DPP10: variants seen among roughly 807,000 people sequenced by gnomAD.
DPP10 encodes the protein inactive dipeptidyl peptidase 10.
DPP10 carries 33 observed loss-of-function variants against 120.9 expected under a neutral mutation model. The observed-to-expected ratio is 0.27, with a 90% CI of 0.21 to 0.37. The LOEUF is 0.37. DPP10 is among the 10% of genes least tolerant of loss of function. DPP10 has a pLI of 1.00. For missense variants in DPP10, 816 were observed against 942.8 expected (o/e 0.87, Z 1.76); for synonymous variants, 337 against 326.1 (o/e 1.03, Z -0.36).
Position 115,018,005 on chromosome 2 carries a change from T to TA in DPP10, c.61-291223dup, listed in dbSNP as rs570028712. On this transcript the variant is annotated intron_variant, in intron 1 of 25. Coordinates refer to ENST00000410059, the MANE Select transcript of DPP10 (RefSeq NM_020868.6). ...TACGCTAGAACTTAAAGTATAATAA[T>TA]AAAAAAAAAAAGAGAAAAACAACCC... Among the ~76,000 whole-genome samples, 418 of 133,226 alleles carry TA rather than the reference T, an allele frequency of 3.1e-3. 2 individuals are homozygous for TA. Among genetic ancestry groups the TA allele is most frequent in the African/African-American group, 9.1e-3 (325 of 35,834 alleles). 87.4% of individuals were successfully genotyped at this position (133,226 alleles called of 152,430 possible).
At chr2:115,752,412 AC>A (rs1485791086) in intron 10 of DPP10, among the ~76,000 whole-genome samples, 6 of 152,190 alleles carry the variant, frequency 3.9e-5, no homozygotes, top group Admixed American at 3.9e-4. Flanking sequence ...CTTTCCAATC[AC>A]CAGTTACCAT....
intron 1 of DPP10, among the ~76,000 whole-genome samples, chr2:115,106,170 A>G (rs1309961838): frequency 2.0e-5 from 3 of 152,212 alleles, no homozygotes. Context: ...CTTCTTGTCA[A>G]TGCCATGTCT....
intron 1 of DPP10, among the ~76,000 whole-genome samples, chr2:114,970,494 G>T (rs899254715): frequency 2.0e-5 from 3 of 152,044 alleles, no homozygotes; most frequent in African/African-American, 7.2e-5. Context: ...CCACATTGAG[G>T]AGAAATAGGG....
intron 1 of DPP10, among the ~76,000 whole-genome samples, chr2:115,063,746 C>T (rs1348262893): frequency 2.0e-5 from 3 of 152,162 alleles, no homozygotes; most frequent in African/African-American, 7.2e-5. Context: ...CTCTTCCTTA[C>T]ACCTTATACA....
rs115305614 is a variant in DPP10, at chr2:114,604,493, T to C, written c.60+161655T>C. ...TGACCCATCTGCGTGTACAGATACC[T>C]TTAGGCAATGAACAATCTACCAAAC... On this transcript the variant is annotated intron_variant, in intron 1 of 25. Transcript: ENST00000410059. 4.8e-3 allele frequency among the ~76,000 whole-genome samples: 737 copies of C among 152,166 alleles called. 8 individuals are homozygous for C. Among genetic ancestry groups the C allele is most frequent in the African/African-American group, 0.016 (684 of 41,518 alleles).
intron 5 of DPP10, among the ~76,000 whole-genome samples, chr2:115,602,442 T>G (rs1198813291): frequency 6.6e-6 from 1 of 152,244 alleles, no homozygotes; most frequent in East Asian, 1.9e-4. Context: ...ATTTTCTATT[T>G]ATCGTTACTT....
At chr2:115,420,277 T>C (rs2069819291) in intron 3 of DPP10, among the ~76,000 whole-genome samples, 1 of 152,110 alleles carries the variant, frequency 6.6e-6, no homozygotes. Context: ...ACAAATGGAG[T>C]AGACACAAGG....
At chr2:115,711,733 A>C (rs1575581662) in intron 7 of DPP10, among the ~76,000 whole-genome samples, 1 of 152,284 alleles carries the variant, frequency 6.6e-6, no homozygotes, top group South Asian at 2.1e-4. Context: ...TTACTGCTAG[A>C]CTTTGCTGAC....
chr2:114,791,304 T>C (rs566928712), intron 1 of DPP10, among the ~76,000 whole-genome samples: 3 of 152,310 alleles, frequency 2.0e-5, no homozygotes, highest in Admixed American at 2.0e-4. Context: ...AGGTCAACTT[T>C]CATCTGCTTT....
At chr2:114,688,876 T>C (rs979369945) in intron 1 of DPP10, among the ~76,000 whole-genome samples, 1 of 151,762 alleles carries the variant, frequency 6.6e-6, no homozygotes, top group Non-Finnish European at 1.5e-5. Context: ...ATATTTTTCA[T>C]TGATATTTTT....
intron 1 of DPP10, among the ~76,000 whole-genome samples, chr2:115,238,095 C>G (rs934975157): frequency 6.6e-6 from 1 of 152,146 alleles, no homozygotes; most frequent in African/African-American, 2.4e-5. Context: ...CAGAGAGAAG[C>G]TGATGCCTCT....
At chr2:114,606,795 C>T (rs1409131084) in intron 1 of DPP10, among the ~76,000 whole-genome samples, 1 of 152,138 alleles carries the variant, frequency 6.6e-6, no homozygotes, top group African/African-American at 2.4e-5. Flanking sequence ...GTATTTAAAC[C>T]TGGACTCTCT....
chr2:115,622,011 T>C (rs2084986512), intron 5 of DPP10, among the ~76,000 whole-genome samples: 1 of 152,214 alleles, frequency 6.6e-6, no homozygotes, highest in South Asian at 2.1e-4. Flanking sequence ...TTTATTGAGA[T>C]ATAATTTACC....
At chr2:114,812,618 A>ACACACACAC (rs1558766410) in intron 1 of DPP10, among the ~76,000 whole-genome samples, 6 of 149,854 alleles carry the variant, frequency 4.0e-5, no homozygotes, top group African/African-American at 1.2e-4. Flanking sequence ...ACACACACAC[A>ACACACACAC]ATTATAATTA....
intron 1 of DPP10, among the ~76,000 whole-genome samples, chr2:114,895,574 A>T (rs1450080704): frequency 6.6e-6 from 1 of 152,178 alleles, no homozygotes; most frequent in Non-Finnish European, 1.5e-5. Context: ...GAGATCTCAG[A>T]GACAGAGAGA....
intron 1 of DPP10, among the ~76,000 whole-genome samples, chr2:115,174,876 C>A (rs1057332634): frequency 6.6e-6 from 1 of 152,166 alleles, no homozygotes; most frequent in Admixed American, 6.5e-5. Flanking sequence ...AGCCAGTCAG[C>A]CAACATTGCT....
chr2:115,574,414 G>A (rs1270830900), intron 5 of DPP10, among the ~76,000 whole-genome samples: 3 of 152,114 alleles, frequency 2.0e-5, no homozygotes, highest in Non-Finnish European at 4.4e-5. Context: ...TCCATGGCTT[G>A]GTTCTCTCTA....
chr2:115,185,654 G>A (rs896394019), intron 1 of DPP10, among the ~76,000 whole-genome samples: 2 of 152,138 alleles, frequency 1.3e-5, no homozygotes, highest in East Asian at 1.9e-4. Flanking sequence ...GGATATTTTA[G>A]GATAATGATT....
chr2:115,348,327 T>C (rs1020380425), intron 3 of DPP10, among the ~76,000 whole-genome samples: 2 of 152,200 alleles, frequency 1.3e-5, no homozygotes, highest in Non-Finnish European at 2.9e-5. Context: ...GACTTGATCA[T>C]GATCTAGAAA....
Sources: gnomAD v4.1 joint callset for allele counts (sites outside exome capture counted in the v4.1 genomes callset) on GRCh38, gnomAD v4.1.1 for gene constraint, MANE v1.5 for transcripts, NCBI Gene and HGNC (gene_info 2026-07-23, HGNC 2026-07-21) for gene names.